Variants in LRP5 observed in about 807,000 individuals in gnomAD.
LRP5 encodes the protein low-density lipoprotein receptor-related protein 5.
LRP5 carries 62 observed loss-of-function variants against 154.1 expected under a neutral mutation model. The observed-to-expected ratio is 0.40, with a 90% confidence interval of 0.33 to 0.50. The LOEUF (loss-of-function observed/expected upper bound fraction) is 0.50, where lower values mean the gene tolerates loss of function less well. Among genes scored for constraint, LRP5 ranks in the 20% least tolerant of loss-of-function variants. The pLI, the probability that LRP5 is intolerant of heterozygous loss-of-function variation, is 0.55. For missense variants in LRP5, 1,915 were observed against 2,336.7 expected, an observed-to-expected ratio of 0.82 and a Z score of 3.72; for synonymous variants, 966 against 1,011.5, an observed-to-expected ratio of 0.96 and a Z score of 0.85.
Position 68,426,149 on chromosome 11 carries a change from G to A in LRP5, c.3599G>A (p.Gly1200Asp), listed in dbSNP as rs1260860894. 6.2e-7 allele frequency: 1 copy of A among 1,612,724 alleles called. No homozygotes were observed. Among genetic ancestry groups the A allele is most frequent in the Non-Finnish European group, 8.5e-7 (1 of 1,180,004 alleles). Residue 1200 changes from glycine (G) to aspartate (D), a missense_variant, in exon 16 of 23, where the codon GGC becomes GAC. Transcript: ENST00000294304. The stretch of plus-strand genomic sequence containing the variant: ...CAGGGCCGTGTCGCCCACCTCACTG[G>A]CATCCATGCAGTGGAGGAAGTCAGC... ...RIQGRVAHLT[G>D]IHAVEEVSLE...
intron 13 of LRP5, among the ~76,000 whole-genome samples, chr11:68,421,847 A>G (rs1237071346): frequency 3.4e-5 from 5 of 145,208 alleles, no homozygotes; most frequent in Admixed American, 2.1e-4. Context: ...GTGTGTGTGT[A>G]TGGGGGAGGC....
At position 68,422,072 on chromosome 11, in the gene LRP5, C is replaced by T. The variant is rs191629973; in HGVS notation, c.3028-1417C>T. ...CCTTCTGAATAGCTGGGACTGTAGG[C>T]GTGCGTCACCATACTGAGCTATTGT... On this transcript the variant is annotated intron_variant, in intron 13 of 22. Transcript: ENST00000294304. Among the ~76,000 whole-genome samples, 56 of 152,060 alleles carry T rather than the reference C, an allele frequency of 3.7e-4. No homozygotes were observed. The East Asian group carries it at 4.3e-3, about 12-fold the overall frequency.
intron 1 of LRP5, among the ~76,000 whole-genome samples, chr11:68,332,988 T>A (rs2098603747): frequency 6.6e-6 from 1 of 152,150 alleles, no homozygotes; most frequent in African/African-American, 2.4e-5. Flanking sequence ...TTTATTATTG[T>A]TGTAAATGTC....
chr11:68,325,778 C>T (rs539860425), intron 1 of LRP5, among the ~76,000 whole-genome samples: 8 of 152,324 alleles, frequency 5.3e-5, no homozygotes, highest in South Asian at 4.1e-4. Flanking sequence ...GGGACAAGCA[C>T]GTTAACTGCT....
At chr11:68,333,190 A>G (rs2098603906) in intron 1 of LRP5, among the ~76,000 whole-genome samples, 1 of 152,202 alleles carries the variant, frequency 6.6e-6, no homozygotes, top group Admixed American at 6.5e-5. Context: ...CGTGCAGGTA[A>G]TTGAAACGTG....
At chr11:68,434,397 C>CATTCATTCATTT (rs60991850) in intron 18 of LRP5, among the ~76,000 whole-genome samples, 1 of 123,572 alleles carries the variant, frequency 8.1e-6, no homozygotes, top group African/African-American at 3.1e-5. Flanking sequence ...TTCATTCATT[C>CATTCATTCATTT]GAGACAGAGT....
At chr11:68,339,836 G>A (rs547943264) in intron 1 of LRP5, among the ~76,000 whole-genome samples, 1 of 152,178 alleles carries the variant, frequency 6.6e-6, no homozygotes, top group Admixed American at 6.5e-5. Flanking sequence ...GAGGGGTTCA[G>A]TTCTTTTGGG....
chr11:68,313,762 G>T (rs2098590745), intron 1 of LRP5, among the ~76,000 whole-genome samples: 1 of 152,268 alleles, frequency 6.6e-6, no homozygotes, highest in Admixed American at 6.5e-5. Context: ...GCACGCCGCG[G>T]CTCCTGTTCT....
chr11:68,339,165 C>T (rs778230361), intron 1 of LRP5, among the ~76,000 whole-genome samples: 4 of 151,738 alleles, frequency 2.6e-5, no homozygotes, highest in African/African-American at 7.3e-5. Context: ...TAAGACACCG[C>T]GTCGGGCCTT....
In LRP5 at chr11:68,402,619, C is replaced by T. The variant is rs1016725742; in HGVS notation, c.1585-864C>T. ...GGTCCTGCCCCAGGCCCTGCAGTTG[C>T]TCATAACTGCCCCAGGTCCTTATAT... On this transcript the variant is annotated intron_variant, in intron 7 of 22. Coordinates refer to ENST00000294304, the MANE Select transcript of LRP5 (RefSeq NM_002335.4). 2.6e-5 allele frequency among the ~76,000 whole-genome samples: 4 copies of T among 152,296 alleles called. No individual in the cohort carries two copies. The South Asian group carries it at 8.3e-4, about 32-fold the overall frequency.
chr11:68,424,231 G>A (rs903283010), intron 14 of LRP5, among the ~76,000 whole-genome samples: 4 of 152,232 alleles, frequency 2.6e-5, no homozygotes, highest in Admixed American at 6.5e-5. Context: ...GCACGGGAAC[G>A]TTTGGGGACA....
chr11:68,410,088 G>T lies in LRP5; in HGVS notation c.2266G>T (p.Val756Leu), dbSNP rs138777930. 1.9e-6 allele frequency: 3 copies of T among 1,614,018 alleles called. No homozygotes were observed. The highest frequency in any genetic ancestry group is 2.5e-6 in the Non-Finnish European group (3 of 1,180,020). The change falls in exon 10 of 23, where the codon GTG (valine) becomes TTG (leucine). Residue 756 changes from valine (V) to leucine (L), a missense_variant. Coordinates refer to ENST00000294304, the MANE Select transcript of LRP5 (RefSeq NM_002335.4). ...RLDGQFRQVL[V>L]WRDLDNPRSL... ...GGACGGGCAGTTCCGGCAAGTCCTC[G>T]TGTGGAGGGACTTGGACAACCCGAG...
chr11:68,416,290 C>A, intron 12 of LRP5, 38 bp from the exon 13 acceptor site: 2 of 1,589,062 alleles, frequency 1.3e-6, no homozygotes, highest in Non-Finnish European at 1.7e-6. Context: ...CTGTGGCTTA[C>A]AGACACCCAC....
chr11:68,442,451 T>C (rs531658748), intron 21 of LRP5, among the ~76,000 whole-genome samples: 1 of 152,256 alleles, frequency 6.6e-6, no homozygotes, highest in East Asian at 1.9e-4. Context: ...AATTTTTAAA[T>C]TTTTTGTGGA....
chr11:68,351,780 GCAGTGCTT>G (rs1469919543), intron 2 of LRP5, among the ~76,000 whole-genome samples: 5 of 152,206 alleles, frequency 3.3e-5, no homozygotes, highest in Non-Finnish European at 5.9e-5. Context: ...GGGGGATAAA[GCAGTGCTT>G]GGGTGCTGTG....
chr11:68,414,085 G>A, intron 12 of LRP5, 73 bp downstream of exon 12: 3 of 1,422,836 alleles, frequency 2.1e-6, no homozygotes, highest in South Asian at 2.4e-5. Flanking sequence ...GACGCTGAAA[G>A]GAGCTTCTCA....
At chr11:68,311,433 C>T (rs962592041), upstream of LRP5, among the ~76,000 whole-genome samples, 1 of 152,214 alleles carries the variant, frequency 6.6e-6, no homozygotes, top group Admixed American at 6.5e-5. Flanking sequence ...ACGGCTGCTC[C>T]TTGGTAGCAG....
intron 7 of LRP5, among the ~76,000 whole-genome samples, chr11:68,394,468 C>CTT (rs1217880694): frequency 5.0e-5 from 7 of 140,020 alleles, no homozygotes; most frequent in Admixed American, 1.4e-4. Context: ...TGATTACCCA[C>CTT]TTTTTTTTTT....
At chr11:68,442,161 C>A (rs924623364) in intron 21 of LRP5, among the ~76,000 whole-genome samples, 29 of 152,242 alleles carry the variant, frequency 1.9e-4, no homozygotes, top group African/African-American at 6.8e-4. Context: ...AGAGCACAGA[C>A]CCATTTATCC....
Sources: gnomAD v4.1 joint callset for allele counts (sites outside exome capture counted in the v4.1 genomes callset) on GRCh38, gnomAD v4.1.1 for gene constraint, MANE v1.5 for transcripts, NCBI Gene and HGNC (gene_info 2026-07-23, HGNC 2026-07-21) for gene names.